THSD7B: variants seen among roughly 807,000 people sequenced by gnomAD.
THSD7B encodes the protein thrombospondin type-1 domain-containing protein 7B.
Under a neutral mutation model 213.6 loss-of-function variants are expected in THSD7B, and 138 were observed. The ratio of observed to expected loss-of-function variants is 0.65; its 90% CI spans 0.56 to 0.74. THSD7B has a LOEUF of 0.74. Among genes scored for constraint, THSD7B ranks in the 30% least tolerant of loss-of-function variants. THSD7B has a pLI of 0.00. For synonymous variants in THSD7B, 742 were observed against 687.0 expected (o/e 1.08, Z -1.25); for missense variants, 1,931 against 1,991.5 (o/e 0.97, Z 0.58).
chr2:136,827,227 G>GGAGTACATAGCATAATATA (rs1682661612), intron 1 of THSD7B, among the ~76,000 whole-genome samples: 1 of 152,130 alleles, frequency 6.6e-6, no homozygotes, highest in African/African-American at 2.4e-5. Flanking sequence ...TCATTGACTT[G>GGAGTACATAGCATAATATA]GAGTACATAG....
chr2:137,108,166 C>CG (rs1167111726), intron 4 of THSD7B, among the ~76,000 whole-genome samples: 1 of 152,192 alleles, frequency 6.6e-6, no homozygotes, highest in Non-Finnish European at 1.5e-5. Context: ...TTCTTTCAAT[C>CG]TGTCATCATT....
intron 2 of THSD7B, among the ~76,000 whole-genome samples, chr2:136,931,571 T>A (rs1003648318): frequency 6.6e-6 from 1 of 152,188 alleles, no homozygotes; most frequent in Non-Finnish European, 1.5e-5. Context: ...CCGCTATTGG[T>A]CTGCTTGGTG....
At chr2:136,776,961 G>C (rs1288421614) in intron 1 of THSD7B, among the ~76,000 whole-genome samples, 1 of 152,080 alleles carries the variant, frequency 6.6e-6, no homozygotes, top group Non-Finnish European at 1.5e-5. Context: ...GAGAGAAGAG[G>C]AGGCAAACGA....
intron 15 of THSD7B, among the ~76,000 whole-genome samples, chr2:137,487,386 A>AC (rs1390218618): frequency 3.0e-5 from 4 of 131,754 alleles, no homozygotes; most frequent in Non-Finnish European, 6.7e-5. Context: ...AAAAAAAAAA[A>AC]AAAAAAAAAA....
At chr2:136,833,900 G>C (rs146080166) in intron 1 of THSD7B, among the ~76,000 whole-genome samples, 5 of 152,210 alleles carry the variant, frequency 3.3e-5, no homozygotes, top group Admixed American at 6.5e-5. Context: ...TTCACTAAAA[G>C]TTTCACTCAT....
chr2:137,306,474 T>A (rs1683748337), intron 12 of THSD7B, among the ~76,000 whole-genome samples: 1 of 152,124 alleles, frequency 6.6e-6, no homozygotes, highest in Admixed American at 6.5e-5. Flanking sequence ...TTACCCTGAA[T>A]TTATAAAATT....
At chr2:136,925,167 C>T (rs1684502747) in intron 2 of THSD7B, among the ~76,000 whole-genome samples, 1 of 152,096 alleles carries the variant, frequency 6.6e-6, no homozygotes, top group South Asian at 2.1e-4. Flanking sequence ...GTCTTCTATT[C>T]ATTTTTCTTG....
chr2:136,802,959 T>C (rs1231876522), intron 1 of THSD7B, among the ~76,000 whole-genome samples: 9 of 151,434 alleles, frequency 5.9e-5, no homozygotes, highest in Admixed American at 4.6e-4. Context: ...AACAACAGAG[T>C]CAACATTATT....
chr2:137,203,710 G>A (rs928389353), intron 7 of THSD7B, among the ~76,000 whole-genome samples: 3 of 152,060 alleles, frequency 2.0e-5, no homozygotes, highest in African/African-American at 7.2e-5. Context: ...AATGAAGGGT[G>A]TGTTTGTGTA....
At chr2:136,927,975 A>G (rs559238805) in intron 2 of THSD7B, among the ~76,000 whole-genome samples, 11 of 152,334 alleles carry the variant, frequency 7.2e-5, no homozygotes, top group African/African-American at 2.6e-4. Context: ...AGAGGGAGAT[A>G]GGAGTTTATA....
chr2:137,106,774 A>G (rs1278495363), intron 4 of THSD7B, among the ~76,000 whole-genome samples: 3 of 152,370 alleles, frequency 2.0e-5, no homozygotes, highest in Non-Finnish European at 4.4e-5. Context: ...TATGCGGCCA[A>G]CAAACATATG....
At chr2:136,908,062 T>G (rs372033352) in intron 2 of THSD7B, among the ~76,000 whole-genome samples, 4 of 152,210 alleles carry the variant, frequency 2.6e-5, no homozygotes, top group African/African-American at 9.6e-5. Flanking sequence ...TTTCACAGAA[T>G]TTGACAGCCT....
intron 10 of THSD7B, among the ~76,000 whole-genome samples, chr2:137,260,757 G>A (rs796520578): frequency 3.9e-5 from 6 of 152,186 alleles, no homozygotes; most frequent in African/African-American, 1.2e-4. Flanking sequence ...AGAGTGAGAC[G>A]CTGTCTCAAA....
intron 24 of THSD7B, among the ~76,000 whole-genome samples, chr2:137,658,816 C>G (rs1683287734): frequency 6.6e-6 from 1 of 152,190 alleles, no homozygotes; most frequent in South Asian, 2.1e-4. Flanking sequence ...AGGCCCAGAG[C>G]TTTTTGCTAG....
intron 1 of THSD7B, among the ~76,000 whole-genome samples, chr2:136,881,250 T>C (rs1317290906): frequency 6.6e-6 from 1 of 152,186 alleles, no homozygotes; most frequent in African/African-American, 2.4e-5. Context: ...TGTTAGAGCA[T>C]CCCTTGCCCT....
intron 1 of THSD7B, among the ~76,000 whole-genome samples, chr2:136,774,191 TA>T (rs1377154691): frequency 6.6e-6 from 1 of 152,122 alleles, no homozygotes; most frequent in Non-Finnish European, 1.5e-5. Flanking sequence ...GGGCATAGCC[TA>T]AAAGTAACCT....
intron 10 of THSD7B, among the ~76,000 whole-genome samples, chr2:137,250,964 G>A (rs1216295885): frequency 2.0e-5 from 3 of 152,152 alleles, no homozygotes; most frequent in African/African-American, 4.8e-5. Context: ...TGTCTGAAAT[G>A]TTTGCAGTCT....
intron 1 of THSD7B, among the ~76,000 whole-genome samples, chr2:136,789,292 T>G: frequency 6.6e-6 from 1 of 152,074 alleles, no homozygotes. Context: ...TTCCCAATCC[T>G]AAAGAGCTGA....
chr2:137,409,789 G>A (rs192421813), intron 13 of THSD7B, among the ~76,000 whole-genome samples: 7 of 152,288 alleles, frequency 4.6e-5, no homozygotes, highest in African/African-American at 1.2e-4. Flanking sequence ...GATATGTTAC[G>A]ATGGAACTTG....
Sources: gnomAD v4.1 joint callset for allele counts (sites outside exome capture counted in the v4.1 genomes callset) on GRCh38, gnomAD v4.1.1 for gene constraint, MANE v1.5 for transcripts, NCBI Gene and HGNC (gene_info 2026-07-23, HGNC 2026-07-21) for gene names.